PCDH9: variants seen among roughly 807,000 people sequenced by gnomAD.
PCDH9 encodes protocadherin-9.
A neutral mutation model predicts 70.6 loss-of-function variants in PCDH9; 24 were observed. The ratio of observed to expected loss-of-function variants is 0.34; its 90% CI spans 0.25 to 0.48. PCDH9 has a LOEUF of 0.48. Ranked by LOEUF, PCDH9 falls within the 20% of genes least tolerant of loss-of-function variation. The pLI is 0.99. For missense variants in PCDH9, 1,281 were observed against 1,503.6 expected (o/e 0.85, Z 2.45); for synonymous variants, 562 against 558.5 (o/e 1.01, Z -0.09).
chr13:67,065,690 A>G (rs2085633296), intron 2 of PCDH9, among the ~76,000 whole-genome samples: 1 of 152,186 alleles, frequency 6.6e-6, no homozygotes, highest in Non-Finnish European at 1.5e-5. Flanking sequence ...TGAATCAAAT[A>G]ATTGGCAGGA....
At chr13:66,644,307 C>T (rs565267174) in intron 3 of PCDH9, among the ~76,000 whole-genome samples, 3 of 147,176 alleles carry the variant, frequency 2.0e-5, no homozygotes, top group African/African-American at 7.5e-5. Flanking sequence ...ACTGGCTCAT[C>T]ATATGTAACA....
At chr13:66,321,068 G>A (rs1173755292) in intron 4 of PCDH9, among the ~76,000 whole-genome samples, 1 of 151,930 alleles carries the variant, frequency 6.6e-6, no homozygotes, top group Admixed American at 6.6e-5. Context: ...CAGAGCTTAA[G>A]ACATATACCA....
At chr13:67,205,440 A>C (rs1033896490) in intron 2 of PCDH9, 3 of 152,196 alleles carry the variant, frequency 2.0e-5, no homozygotes, top group African/African-American at 7.2e-5. Context: ...ATAGCTCTCA[A>C]ACCAAGCTTT....
chr13:66,688,720 C>A (rs2078440112), intron 3 of PCDH9, among the ~76,000 whole-genome samples: 1 of 152,076 alleles, frequency 6.6e-6, no homozygotes, highest in Admixed American at 6.6e-5. Flanking sequence ...ATTATAGAAA[C>A]TTATTGATTA....
intron 2 of PCDH9, among the ~76,000 whole-genome samples, chr13:66,958,928 CTG>C (rs1248360924): frequency 2.0e-5 from 3 of 152,172 alleles, no homozygotes. Context: ...ATTGGTCTGA[CTG>C]TAGTTTTTCT....
At chr13:66,402,684 T>C (rs553967984) in intron 4 of PCDH9, among the ~76,000 whole-genome samples, 1 of 152,296 alleles carries the variant, frequency 6.6e-6, no homozygotes, top group African/African-American at 2.4e-5. Flanking sequence ...ATGTTAAATT[T>C]ACCTCTGCTG....
chr13:66,849,517 T>TATATATATATAGAGAGAGAG (rs1272589939), intron 3 of PCDH9, among the ~76,000 whole-genome samples: 2 of 63,582 alleles, frequency 3.1e-5, no homozygotes, highest in Non-Finnish European at 5.2e-5. Flanking sequence ...TATATATATA[T>TATATATATATAGAGAGAGAG]AGAGAGAGAG....
intron 4 of PCDH9, among the ~76,000 whole-genome samples, chr13:66,533,779 C>A (rs147805956): frequency 6.6e-6 from 1 of 152,078 alleles, no homozygotes; most frequent in African/African-American, 2.4e-5. Context: ...AGGGAAGTTA[C>A]GGACAATTTT....
intron 3 of PCDH9, among the ~76,000 whole-genome samples, chr13:66,728,412 T>C (rs1212860154): frequency 1.3e-5 from 2 of 152,152 alleles, no homozygotes; most frequent in Non-Finnish European, 2.9e-5. Context: ...TTTAAAAAAA[T>C]GTATCCGTTT....
chr13:66,664,289 T>A (rs2078062135), intron 3 of PCDH9, among the ~76,000 whole-genome samples: 1 of 152,236 alleles, frequency 6.6e-6, no homozygotes, highest in Non-Finnish European at 1.5e-5. Flanking sequence ...ATTCACTTTA[T>A]TAGTTTTCCT....
chr13:66,934,383 C>A (rs1244706635), intron 2 of PCDH9, among the ~76,000 whole-genome samples: 1 of 151,276 alleles, frequency 6.6e-6, no homozygotes, highest in East Asian at 2.0e-4. Flanking sequence ...CTAGTAAAAA[C>A]ACAAAAAATT....
At chr13:67,020,142 CT>C (rs977221347) in intron 2 of PCDH9, among the ~76,000 whole-genome samples, 3 of 151,816 alleles carry the variant, frequency 2.0e-5, no homozygotes, top group African/African-American at 4.8e-5. Context: ...GTATATGTTT[CT>C]TTTTTTTACC....
At chr13:66,778,380 C>G (rs758473186) in intron 3 of PCDH9, among the ~76,000 whole-genome samples, 4 of 152,236 alleles carry the variant, frequency 2.6e-5, no homozygotes, top group Admixed American at 2.0e-4. Context: ...AAAATAGCCC[C>G]TGGGTTTGCA....
chr13:66,427,551 C>A lies in PCDH9; in HGVS notation c.3341-122523G>T, dbSNP rs550677867. Among the ~76,000 whole-genome samples the A allele has an allele frequency of 2.8e-4, 43 of 151,806 alleles. 1 individual carries two copies. Among genetic ancestry groups the A allele is most frequent in the African/African-American group, 1.0e-3 (43 of 41,508 alleles). ...CAGTCATAAATTGGAAGTCAGGAGC[C>A]TAGGAATAAAATCTGGCCAACTGCC... On this transcript the variant is annotated intron_variant, in intron 4 of 4. Transcript: ENST00000377865.
intron 3 of PCDH9, among the ~76,000 whole-genome samples, chr13:66,874,978 A>G (rs2139519956): frequency 6.6e-6 from 1 of 151,012 alleles, no homozygotes; most frequent in Non-Finnish European, 1.5e-5. Context: ...AGAGATATGT[A>G]GAAGGGGGAG....
intron 2 of PCDH9, among the ~76,000 whole-genome samples, chr13:67,160,693 G>GA (rs2087933993): frequency 1.3e-5 from 2 of 151,818 alleles, no homozygotes; most frequent in African/African-American, 4.8e-5. Context: ...CATTTTATTT[G>GA]AATCAGCTAC....
intron 4 of PCDH9, among the ~76,000 whole-genome samples, chr13:66,414,686 C>T (rs1219848808): frequency 6.6e-6 from 1 of 152,156 alleles, no homozygotes; most frequent in Non-Finnish European, 1.5e-5. Context: ...TATGTTATTT[C>T]TGAGAGATAA....
chr13:66,476,366 A>G (rs190234821), intron 4 of PCDH9, among the ~76,000 whole-genome samples: 10 of 152,228 alleles, frequency 6.6e-5, no homozygotes, highest in African/African-American at 2.2e-4. Flanking sequence ...GTTAGACTTT[A>G]TTACATAGAG....
chr13:66,962,085 GA>G (rs1156274105), intron 2 of PCDH9, among the ~76,000 whole-genome samples: 14 of 149,576 alleles, frequency 9.4e-5, no homozygotes, highest in African/African-American at 1.5e-4. Flanking sequence ...AAAAAGAAAA[GA>G]AAAAAAAACA....
Sources: gnomAD v4.1 joint callset for allele counts (sites outside exome capture counted in the v4.1 genomes callset) on GRCh38, gnomAD v4.1.1 for gene constraint, MANE v1.5 for transcripts, NCBI Gene and HGNC (gene_info 2026-07-23, HGNC 2026-07-21) for gene names.